ZNF682: variants seen among roughly 807,000 people sequenced by gnomAD.
ZNF682 encodes the protein zinc finger protein 682.
A neutral mutation model predicts 36.5 loss-of-function variants in ZNF682; 29 were observed. The ratio of observed to expected loss-of-function variants is 0.80; its 90% CI spans 0.59 to 1.08. ZNF682 has a LOEUF of 1.08. Ranked by LOEUF, ZNF682 falls within the 50% of genes least tolerant of loss-of-function variation. The pLI is 0.00. For missense variants in ZNF682, 561 were observed against 579.7 expected (o/e 0.97, Z 0.33); for synonymous variants, 180 against 197.0 (o/e 0.91, Z 0.72).
intron 3 of ZNF682, among the ~76,000 whole-genome samples, chr19:20,011,703 G>C (rs937410525): frequency 2.0e-5 from 3 of 152,148 alleles, no homozygotes; most frequent in Non-Finnish European, 4.4e-5. Flanking sequence ...GGTAAACAAT[G>C]AAATTAAGGC....
intron 3 of ZNF682, among the ~76,000 whole-genome samples, chr19:19,998,658 G>C (rs1205403553): frequency 3.9e-5 from 6 of 152,140 alleles, no homozygotes; most frequent in African/African-American, 9.7e-5. Flanking sequence ...GGAAGGATCA[G>C]CTTTAAACTC....
At chr19:20,017,350 G>T (rs2088343279) in intron 3 of ZNF682, among the ~76,000 whole-genome samples, 1 of 152,174 alleles carries the variant, frequency 6.6e-6, no homozygotes, top group South Asian at 2.1e-4. Flanking sequence ...CAAACAGGCT[G>T]AAAGTGACAG....
chr19:20,017,139 G>C (rs996861108), intron 3 of ZNF682, among the ~76,000 whole-genome samples: 1 of 152,130 alleles, frequency 6.6e-6, no homozygotes, highest in Admixed American at 6.6e-5. Context: ...AAGGCAGTAA[G>C]AGAGGAAATG....
chr19:20,028,296 C>T lies in ZNF682; in HGVS notation c.4-3920G>A, dbSNP rs145344878. 7.0e-4 allele frequency among the ~76,000 whole-genome samples: 107 copies of T among 152,166 alleles called. 2 individuals are homozygous for T. The highest frequency in any genetic ancestry group is 2.5e-3 in the African/African-American group (104 of 41,524). ...GATCTCGGCTCACTGCAATCTTTGC[C>T]TCCCAGGCTCAAGTGATTCTCCTGC... On this transcript the variant is annotated intron_variant, in intron 1 of 3. Transcript: ENST00000397165.
chr19:20,018,610 T>C (rs1433098528), intron 3 of ZNF682, among the ~76,000 whole-genome samples: 1 of 152,178 alleles, frequency 6.6e-6, no homozygotes, highest in Non-Finnish European at 1.5e-5. Flanking sequence ...AAGATTGCTA[T>C]GGCCACACAA....
At chr19:20,017,527 T>C (rs1423657609) in intron 3 of ZNF682, among the ~76,000 whole-genome samples, 3 of 152,188 alleles carry the variant, frequency 2.0e-5, no homozygotes, top group Non-Finnish European at 2.9e-5. Context: ...ATAACTGTTA[T>C]ATAACTATAA....
At position 20,004,717 on chromosome 19, in the gene ZNF682, C is replaced by T. The variant is rs1275273644; in HGVS notation, c.*1288G>A. The T allele has an allele frequency of 6.6e-6, 1 of 152,156 alleles. No individual in the cohort carries two copies. The highest frequency in any genetic ancestry group is 1.5e-5 in the Non-Finnish European group (1 of 68,036). 9.4% of individuals were successfully genotyped at this position (152,156 alleles called of 1,614,324 possible). On this transcript the variant is annotated 3_prime_UTR_variant, in exon 4 of 4. Transcript: ENST00000397165. ...ATAGAACTTCTCAAACCCCGAGCAG[C>T]AGAAATTGACCACATGCTTTCATAC...
At chr19:20,015,041 T>C in intron 3 of ZNF682, 1 of 256,372 alleles carries the variant, frequency 3.9e-6, no homozygotes, top group Non-Finnish European at 6.1e-6. Context: ...TGCACGACAA[T>C]GTCAATATAC....
downstream of ZNF682, among the ~76,000 whole-genome samples, chr19:20,003,054 G>A (rs981740364): frequency 4.6e-5 from 7 of 151,408 alleles, no homozygotes; most frequent in East Asian, 3.9e-4. Flanking sequence ...AGCCGGGCGT[G>A]GTGGTGGGCG....
At chr19:20,012,064 G>A (rs1227503591) in intron 3 of ZNF682, among the ~76,000 whole-genome samples, 2 of 151,808 alleles carry the variant, frequency 1.3e-5, no homozygotes, top group Non-Finnish European at 2.9e-5. Context: ...GTGACAAAAT[G>A]TAACAAAACC....
intron 1 of ZNF682, among the ~76,000 whole-genome samples, chr19:20,024,779 A>C (rs1303655260): frequency 6.6e-6 from 1 of 150,436 alleles, no homozygotes; most frequent in Non-Finnish European, 1.5e-5. Context: ...CAGAGGTTGC[A>C]GTGAGCTGAG....
At chr19:20,033,505 G>T (rs1487802813) in intron 1 of ZNF682, 2 of 152,222 alleles carry the variant, frequency 1.3e-5, no homozygotes, top group Admixed American at 1.3e-4. Flanking sequence ...GGTTAGAATT[G>T]TATTTTCACA....
chr19:20,016,384 A>ATTCAAAATAATCATTTTAAACATG (rs1483800579), intron 3 of ZNF682, among the ~76,000 whole-genome samples: 1 of 152,206 alleles, frequency 6.6e-6, no homozygotes, highest in African/African-American at 2.4e-5. Context: ...CTGACAGGGA[A>ATTCAAAATAATCATTTTAAACATG]TTCAAAATAA....
intron 1 of ZNF682, among the ~76,000 whole-genome samples, chr19:20,032,569 T>C (rs1244560663): frequency 2.6e-5 from 4 of 152,196 alleles, no homozygotes; most frequent in African/African-American, 9.7e-5. Context: ...GTCTGATGGG[T>C]ACCTTACATG....
chr19:20,027,095 C>T (rs1420202001), intron 1 of ZNF682, among the ~76,000 whole-genome samples: 1 of 152,202 alleles, frequency 6.6e-6, no homozygotes, highest in African/African-American at 2.4e-5. Context: ...GCCATTTCTT[C>T]CTCTTGCTCT....
intron 3 of ZNF682, among the ~76,000 whole-genome samples, chr19:20,018,707 G>A (rs1226645202): frequency 6.6e-6 from 1 of 152,070 alleles, no homozygotes; most frequent in Non-Finnish European, 1.5e-5. Context: ...TCCGTTACAT[G>A]CACCATATAA....
chr19:20,014,778 CAAAA>C (rs554191306), intron 3 of ZNF682, among the ~76,000 whole-genome samples: 3 of 72,094 alleles, frequency 4.2e-5, no homozygotes, highest in Non-Finnish European at 3.2e-5. Context: ...GACTCCATCT[CAAAA>C]AAAAAAAAAA....
chr19:20,000,018 A>G, downstream of ZNF682, among the ~76,000 whole-genome samples: 1 of 152,350 alleles, frequency 6.6e-6, no homozygotes, highest in South Asian at 2.1e-4. Context: ...CTCTTCTATT[A>G]TAAAACCAAG....
intron 1 of ZNF682, among the ~76,000 whole-genome samples, chr19:20,031,651 A>G (rs1205567930): frequency 6.6e-6 from 1 of 152,162 alleles, no homozygotes; most frequent in Non-Finnish European, 1.5e-5. Context: ...CACATTATAA[A>G]TGATATGTCG....
Sources: allele counts gnomAD v4.1 joint callset (sites outside exome capture counted in the v4.1 genomes callset), GRCh38; gene constraint gnomAD v4.1.1; transcripts MANE v1.5; gene names NCBI Gene and HGNC (gene_info 2026-07-23, HGNC 2026-07-21).